The following TRIM9 variants were observed in gnomAD, a reference collection of about 807,000 sequenced individuals.
TRIM9 encodes the protein tripartite motif containing 9.
TRIM9 carries 26 observed loss-of-function variants against 78.3 expected under a neutral mutation model. The ratio of observed to expected loss-of-function variants is 0.33; its 90% CI spans 0.24 to 0.46. The LOEUF is 0.46. TRIM9 is among the 20% of genes least tolerant of loss of function. TRIM9 has a pLI of 1.00. For synonymous variants in TRIM9, 398 were observed against 416.5 expected, an observed-to-expected ratio of 0.96 and a Z score of 0.54; for missense variants, 787 against 1,036.4, an observed-to-expected ratio of 0.76 and a Z score of 3.30.
At chr14:51,051,380 C>T (rs182517279) in intron 1 of TRIM9, among the ~76,000 whole-genome samples, 17 of 152,270 alleles carry the variant, frequency 1.1e-4, no homozygotes, top group Non-Finnish European at 1.5e-5. Context: ...CTCTCTTTGG[C>T]CTGCCCAAGG....
intron 1 of TRIM9, among the ~76,000 whole-genome samples, chr14:51,083,431 A>AC (rs1555350335): frequency 2.7e-5 from 4 of 150,184 alleles, no homozygotes; most frequent in African/African-American, 9.8e-5. Flanking sequence ...ATTAAAAAAA[A>AC]TTTTTTTTTT....
chr14:51,068,292 G>C (rs74054034), intron 1 of TRIM9, among the ~76,000 whole-genome samples: 3,779 of 152,100 alleles, frequency 0.025, 168 homozygotes, highest in African/African-American at 0.087. Context: ...CACACTCAAA[G>C]CAGAAAAATA....
intron 5 of TRIM9, among the ~76,000 whole-genome samples, chr14:51,007,480 C>A (rs994487740): frequency 6.6e-6 from 1 of 152,180 alleles, no homozygotes; most frequent in Non-Finnish European, 1.5e-5. Flanking sequence ...GTGGCACCAG[C>A]TTTACAGCAC....
chr14:51,066,730 G>T (rs2061772102), intron 1 of TRIM9, among the ~76,000 whole-genome samples: 1 of 152,206 alleles, frequency 6.6e-6, no homozygotes, highest in Non-Finnish European at 1.5e-5. Flanking sequence ...ACAGAAAATG[G>T]AAATGAGGTG....
intron 5 of TRIM9, among the ~76,000 whole-genome samples, chr14:51,002,121 G>C (rs1053146496): frequency 1.3e-5 from 2 of 152,012 alleles, no homozygotes; most frequent in African/African-American, 4.8e-5. Flanking sequence ...GTGTGTGTGT[G>C]TGTGTTTTTC....
intron 5 of TRIM9, among the ~76,000 whole-genome samples, chr14:51,003,579 G>C (rs962086179): frequency 1.3e-5 from 2 of 152,102 alleles, no homozygotes; most frequent in Non-Finnish European, 2.9e-5. Flanking sequence ...ATGATGTCAT[G>C]TGTAATTAAA....
intron 6 of TRIM9, among the ~76,000 whole-genome samples, chr14:50,999,682 G>T (rs12895611): frequency 0.08 from 12,134 of 152,190 alleles, 637 homozygotes; most frequent in Middle Eastern, 0.17. Flanking sequence ...ATCCTCACGG[G>T]CCTGAGGTTT....
intron 3 of TRIM9, among the ~76,000 whole-genome samples, chr14:51,013,146 T>C (rs1341695813): frequency 6.6e-6 from 1 of 152,186 alleles, no homozygotes; most frequent in African/African-American, 2.4e-5. Flanking sequence ...CAGGAGTTTA[T>C]AGTTTTAGGT....
chr14:50,997,360 G>T, intron 7 of TRIM9: 2 of 985,374 alleles, frequency 2.0e-6, no homozygotes, highest in Non-Finnish European at 2.4e-6. Context: ...TTGTATGGTG[G>T]CTCTCGGTAG....
At chr14:51,090,078 A>G (rs1459070026) in intron 1 of TRIM9, 1 of 152,232 alleles carries the variant, frequency 6.6e-6, no homozygotes, top group African/African-American at 2.4e-5. Context: ...CCTGTTATCT[A>G]GTTCTTTCCA....
Position 51,094,646 on chromosome 14 carries a change from G to C in TRIM9, c.294C>G (p.Gly98=), listed in dbSNP as rs778147878. 6.2e-7 allele frequency: 1 copy of C among 1,603,184 alleles called. No homozygotes were observed. The highest frequency in any genetic ancestry group is 2.2e-5 in the East Asian group (1 of 44,696). Residue 98 remains glycine (G), a synonymous_variant, in exon 1 of 13, where the codon GGC becomes GGG. Coordinates refer to ENST00000684578, the MANE Select transcript of TRIM9 (RefSeq NM_001387360.1). ...GCATAGCCGGGGGAAACACGCGGAC[G>C]CCGTTGGGGGACTTCTGGCACGGGG... is the stretch of plus-strand genomic sequence containing the variant. ...PTTPCQKSPN[G]VRVFPPAMPP...
Position 51,002,355 on chromosome 14 carries a change from C to T in TRIM9, c.1307-1515G>A, listed in dbSNP as rs180963092. Among the ~76,000 whole-genome samples, 48 of 151,764 alleles carry T rather than the reference C, an allele frequency of 3.2e-4. No homozygotes were observed. The East Asian group carries it at 7.8e-3, about 25-fold the overall frequency. ...TTCACCGTGTTAGCCAAGATGGTCT[C>T]GATCTACTGACCTCATGATCCACCT... is the stretch of plus-strand genomic sequence containing the variant. On this transcript the variant is annotated intron_variant, in intron 5 of 12. Transcript: ENST00000684578.
intron 1 of TRIM9, among the ~76,000 whole-genome samples, chr14:51,037,710 T>A (rs2059267441): frequency 1.3e-5 from 2 of 152,064 alleles, no homozygotes; most frequent in African/African-American, 4.8e-5. Flanking sequence ...TTTGGCTCTT[T>A]AAAAAAATTT....
rs1225239244 is a variant in TRIM9 at position 51,047,021 on chromosome 14, A to AG, written c.823-21662dup. Among the ~76,000 whole-genome samples, 4 of 152,334 alleles carry AG rather than the reference A, an allele frequency of 2.6e-5. No individual in the cohort carries two copies. The East Asian group carries it at 7.7e-4, about 29-fold the overall frequency. On this transcript the variant is annotated intron_variant, in intron 1 of 12. Coordinates refer to ENST00000684578, the MANE Select transcript of TRIM9 (RefSeq NM_001387360.1). ...AGTGATAAACATAAACTTAAGATAG[A>AG]GTCACCTTTGAGGATGGGGACGGGG... is the stretch of plus-strand genomic sequence containing the variant.
intron 1 of TRIM9, among the ~76,000 whole-genome samples, chr14:51,057,990 A>T (rs1463639383): frequency 2.0e-5 from 3 of 152,248 alleles, no homozygotes; most frequent in Non-Finnish European, 4.4e-5. Context: ...AAATTCTAAC[A>T]AACCCGATTA....
At chr14:50,992,888 T>C (rs565420011) in intron 7 of TRIM9, among the ~76,000 whole-genome samples, 6 of 152,312 alleles carry the variant, frequency 3.9e-5, no homozygotes, top group African/African-American at 1.4e-4. Context: ...CCAACCTATT[T>C]GTCATTAGAT....
chr14:50,986,135 G>C lies in TRIM9; in HGVS notation c.1613C>G (p.Ser538Ter). ...TGGAAAAGGGAGGGTCTGTTCTTCT[G>C]AATCTGTGTCTAAATGTAAGATCAA... Reference protein sequence around the residue: ...LVLQTSEDTDSEEQTLPFPVP... With the variant: ...LVLQTSEDTD Residue 538 changes from serine to a stop codon, truncating the protein, a stop_gained, in exon 8 of 13, where the codon TCA becomes TGA. Coordinates refer to ENST00000684578, the MANE Select transcript of TRIM9 (RefSeq NM_001387360.1). LOFTEE classifies it high-confidence loss of function. 1 of 1,523,458 alleles carries C rather than the reference G, an allele frequency of 6.6e-7. No individual in the cohort carries two copies. Among genetic ancestry groups the C allele is most frequent in the East Asian group, 2.5e-5 (1 of 40,236 alleles). The allele number at this position is 1,523,458 out of a possible 1,614,324, so 94.4% of individuals were successfully genotyped here.
Position 50,979,528 on chromosome 14 carries a change from T to A in TRIM9, c.2184A>T (p.Lys728Asn), listed in dbSNP as rs1308203356. The A allele has an allele frequency of 4.3e-6, 7 of 1,613,998 alleles. No individual in the cohort carries two copies. The highest frequency in any genetic ancestry group is 5.9e-6 in the Non-Finnish European group (7 of 1,179,924). Residue 728 changes from lysine to asparagine, a missense_variant, in exon 12 of 13, where the codon AAA becomes AAT. Lys to Asn is a moderately conservative substitution (Grantham distance 94). Transcript: ENST00000684578. ...CGAGGAGGACCCCAATTGTGGCCCC[T>A]TTTGTGATCCCTCCCTCAGTTCTGT... ...HTNRTEGGIT[K>N]GATIGVLLDL... is the part of the protein sequence containing the mutation.
intron 1 of TRIM9, among the ~76,000 whole-genome samples, chr14:51,074,928 A>T (rs1283980096): frequency 6.6e-6 from 1 of 152,236 alleles, no homozygotes; most frequent in Non-Finnish European, 1.5e-5. Flanking sequence ...ACAATGTTGA[A>T]GCCCCAATTG....
Sources: gnomAD v4.1 joint callset for allele counts (sites outside exome capture counted in the v4.1 genomes callset) on GRCh38, gnomAD v4.1.1 for gene constraint, MANE v1.5 for transcripts, NCBI Gene and HGNC (gene_info 2026-07-23, HGNC 2026-07-21) for gene names.